The following HEPHL1 variants were observed in gnomAD, a reference collection of about 807,000 sequenced individuals.
HEPHL1 encodes hephaestin like 1, also known as ferroxidase HEPHL1.
A neutral mutation model predicts 122.0 loss-of-function variants in HEPHL1; 123 were observed. The observed-to-expected ratio is 1.01, with a 90% CI of 0.87 to 1.17. HEPHL1 has a LOEUF of 1.17. HEPHL1 is among the 50% of genes most tolerant of loss of function. HEPHL1 has a pLI of 0.00. For synonymous variants in HEPHL1, 527 were observed against 508.9 expected (o/e 1.04, Z -0.48); for missense variants, 1,452 against 1,430.5 (o/e 1.01, Z -0.24).
chr11:94,051,898 CTT>C (rs1945893005), intron 2 of HEPHL1, among the ~76,000 whole-genome samples: 1 of 152,082 alleles, frequency 6.6e-6, no homozygotes, highest in South Asian at 2.1e-4. Context: ...AAGAGACTGT[CTT>C]TTCCCCAGTG....
chr11:94,099,049 C>G (rs986670652), intron 13 of HEPHL1, among the ~76,000 whole-genome samples: 3 of 152,256 alleles, frequency 2.0e-5, no homozygotes, highest in African/African-American at 4.8e-5. Context: ...TGTTCTGTTG[C>G]TGGCTAGGAG....
At chr11:94,037,138 C>A (rs1401034988) in intron 1 of HEPHL1, among the ~76,000 whole-genome samples, 1 of 152,186 alleles carries the variant, frequency 6.6e-6, no homozygotes, top group East Asian at 1.9e-4. Context: ...GTCACTCCCA[C>A]CCGAATATTG....
chr11:94,086,767 T>A (rs1946221804), intron 11 of HEPHL1, among the ~76,000 whole-genome samples: 1 of 152,200 alleles, frequency 6.6e-6, no homozygotes, highest in Non-Finnish European at 1.5e-5. Flanking sequence ...TGGAACTTCT[T>A]CTCTTAGAGA....
intron 6 of HEPHL1, among the ~76,000 whole-genome samples, chr11:94,071,860 T>A (rs1301733717): frequency 1.3e-5 from 2 of 151,952 alleles, no homozygotes; most frequent in Admixed American, 1.3e-4. Context: ...GAATTTTAGA[T>A]GGAGGGGTTG....
chr11:94,108,596 T>C (rs1034216652), intron 17 of HEPHL1, among the ~76,000 whole-genome samples: 6 of 152,120 alleles, frequency 3.9e-5, no homozygotes, highest in African/African-American at 1.4e-4. Flanking sequence ...TGAAATAAGG[T>C]TCATTTTTTT....
chr11:94,086,315 T>C, intron 11 of HEPHL1, 126 bp downstream of exon 11: 1 of 690,192 alleles, frequency 1.4e-6, no homozygotes, highest in Non-Finnish European at 2.5e-6. Flanking sequence ...AGATATAGTC[T>C]TGATTAGAAT....
rs375268988 is a variant in HEPHL1 at position 94,021,409 on chromosome 11, C to T, written c.41C>T (p.Thr14Ile). Residue 14 changes from threonine to isoleucine, a missense_variant, in exon 1 of 20, where the codon ACA becomes ATA. Thr to Ile is a moderately conservative substitution (Grantham distance 89). Transcript: ENST00000315765. ...KQPAGCIFLL[T>I]FLGLSGLVGT... ...CCAGCTGGCTGCATCTTTCTCCTCA[C>T]ATTCCTGGGTCTGTCTGGGCTGGTT... 3.2e-5 allele frequency: 52 copies of T among 1,613,356 alleles called. No individual in the cohort carries two copies. Among genetic ancestry groups the T allele is most frequent in the Non-Finnish European group, 4.2e-5 (50 of 1,179,684 alleles).
Position 94,082,566 on chromosome 11 carries a change from A to G in HEPHL1, c.1865A>G (p.His622Arg), listed in dbSNP as rs1340993250. 1 of 1,606,076 alleles carries G rather than the reference A, an allele frequency of 6.2e-7. No individual in the cohort carries two copies. The change falls in exon 10 of 20, where the codon CAT becomes CGT. Residue 622 changes from histidine to arginine, a missense_variant and splice_region_variant. Transcript: ENST00000315765. ...DKEFVKSNRM[H>R]AVNGYMYGNQ... ...GAGTTTGTGAAATCCAACCGAATGC[A>G]TGGTATGACAAATGACATTCCCGCC... is the stretch of plus-strand genomic sequence containing the variant.
intron 1 of HEPHL1, among the ~76,000 whole-genome samples, chr11:94,028,839 T>C (rs568237452): frequency 6.6e-6 from 1 of 152,224 alleles, no homozygotes; most frequent in African/African-American, 2.4e-5. Context: ...TTGGGCAAAT[T>C]TGCATTTTAT....
intron 2 of HEPHL1, among the ~76,000 whole-genome samples, chr11:94,060,135 T>C (rs1341603498): frequency 2.7e-5 from 1 of 37,256 alleles, no homozygotes; most frequent in African/African-American, 6.6e-5. Context: ...TATATATATA[T>C]ATATATATAT....
intron 6 of HEPHL1, among the ~76,000 whole-genome samples, chr11:94,072,435 C>T (rs889618112): frequency 8.5e-5 from 13 of 152,162 alleles, no homozygotes; most frequent in South Asian, 6.2e-4. Context: ...AGAAAATCTA[C>T]GTGGCTGCAA....
chr11:94,077,485 A>G (rs1016534542), intron 9 of HEPHL1, among the ~76,000 whole-genome samples: 1 of 152,186 alleles, frequency 6.6e-6, no homozygotes, highest in Non-Finnish European at 1.5e-5. Context: ...CATCATGGAG[A>G]ATGGGGTATT....
rs1382570113 is a variant in HEPHL1, at chr11:94,093,969, C to CAGATAGAT, written c.2434+334_2434+335insGATAGATA. Among the ~76,000 whole-genome samples the CAGATAGAT allele has an allele frequency of 6.7e-3, 341 of 50,598 alleles. 8 individuals are homozygous for CAGATAGAT. The highest frequency in any genetic ancestry group is 9.0e-3 in the South Asian group (10 of 1,116). 33.2% of individuals were successfully genotyped at this position (50,598 alleles called of 152,430 possible). Reference sequence around the variant, plus strand: ...GGAAATTTTCTTTTAAATCCTCCAGCAGATATATATATATATATATATATA... The same window carrying CAGATAGAT: ...GGAAATTTTCTTTTAAATCCTCCAGCAGATAGATAGATATATATATATATATATATATA... On this transcript the variant is annotated intron_variant, in intron 13 of 19. Coordinates refer to ENST00000315765, the MANE Select transcript of HEPHL1 (RefSeq NM_001098672.2).
At chr11:94,105,833 G>C (rs935498672) in intron 16 of HEPHL1, among the ~76,000 whole-genome samples, 158 bp from the exon 17 acceptor site, 3 of 151,936 alleles carry the variant, frequency 2.0e-5, no homozygotes, top group African/African-American at 7.3e-5. Flanking sequence ...TCTGAATTTT[G>C]GGTCTAGAAT....
chr11:94,086,485 T>G lies in HEPHL1; in HGVS notation c.2080+296T>G, dbSNP rs141282377. Among the ~76,000 whole-genome samples, 3 of 152,312 alleles carry G rather than the reference T, an allele frequency of 2.0e-5. No individual in the cohort carries two copies. In the East Asian group the frequency reaches 5.8e-4, roughly 29 times the overall value. ...TTCACAGTCCATAAAAATTCAGCCC[T>G]GATAAAGTGGATATGTTTTGCTCTC... On this transcript the variant is annotated intron_variant, in intron 11 of 19. Transcript: ENST00000315765.
intron 6 of HEPHL1, among the ~76,000 whole-genome samples, chr11:94,071,504 A>C (rs1351488440): frequency 6.6e-6 from 1 of 152,158 alleles, no homozygotes; most frequent in Non-Finnish European, 1.5e-5. Context: ...TTAGCATTCA[A>C]AATTGTCTTA....
intron 2 of HEPHL1, among the ~76,000 whole-genome samples, chr11:94,059,145 C>T (rs1389473658): frequency 6.6e-6 from 1 of 152,064 alleles, no homozygotes; most frequent in African/African-American, 2.4e-5. Context: ...TATCCTTGCT[C>T]ATTTGTATAA....
At chr11:94,074,743 T>C (rs529136242) in intron 8 of HEPHL1, among the ~76,000 whole-genome samples, 1 of 152,314 alleles carries the variant, frequency 6.6e-6, no homozygotes, top group East Asian at 1.9e-4. Context: ...GTTATTTGGA[T>C]GATTTCCAAG....
chr11:94,024,154 G>C (rs1165939881), intron 1 of HEPHL1, among the ~76,000 whole-genome samples: 1 of 152,188 alleles, frequency 6.6e-6, no homozygotes, highest in African/African-American at 2.4e-5. Context: ...TTGGGCAAAT[G>C]TCTGATATTT....
Sources: allele counts gnomAD v4.1 joint callset (sites outside exome capture counted in the v4.1 genomes callset), GRCh38; gene constraint gnomAD v4.1.1; transcripts MANE v1.5; gene names NCBI Gene and HGNC (gene_info 2026-07-23, HGNC 2026-07-21).